CSAD: variants seen among roughly 807,000 people sequenced by gnomAD.
CSAD encodes the protein cysteine sulfinic acid decarboxylase, also known as P-selectin cytoplasmic tail-associated protein.
A neutral mutation model predicts 61.5 loss-of-function variants in CSAD; 47 were observed. The ratio of observed to expected loss-of-function variants is 0.76; its 90% confidence interval spans 0.60 to 0.97. The LOEUF (loss-of-function observed/expected upper bound fraction) is 0.97, where lower values mean the gene tolerates loss of function less well. Among genes scored for constraint, CSAD ranks in the 50% least tolerant of loss-of-function variants. The pLI is 0.00. For missense variants in CSAD, 611 were observed against 643.6 expected, an observed-to-expected ratio of 0.95 and a Z score of 0.55; for synonymous variants, 245 against 252.7, an observed-to-expected ratio of 0.97 and a Z score of 0.29.
Position 53,171,972 on chromosome 12 carries a change from C to G in CSAD, c.361G>C (p.Ala121Pro), listed in dbSNP as rs138203066. The G allele has an allele frequency of 6.2e-7, 1 of 1,613,306 alleles. No individual in the cohort carries two copies. Among genetic ancestry groups the G allele is most frequent in the Non-Finnish European group, 8.5e-7 (1 of 1,179,608 alleles). ...LNTSQYTYEI[A>P]PVFVLMEEEV... The stretch of plus-strand genomic sequence containing the variant: ...TCTTCCATGAGCACAAACACGGGGG[C>G]GATTTCATATGTGTACCTGCCAGGA... The change falls in exon 7 of 17, where the codon GCC becomes CCC. Residue 121 changes from alanine to proline, a missense_variant. Transcript: ENST00000444623.
At chr12:53,164,940 C>T (rs1939721182) in intron 10 of CSAD, among the ~76,000 whole-genome samples, 1 of 152,134 alleles carries the variant, frequency 6.6e-6, no homozygotes, top group South Asian at 2.1e-4. Flanking sequence ...TGAAAAGATG[C>T]TCAACCATCA....
rs750964415 is a variant in CSAD at position 53,171,986 on chromosome 12, T to C, written c.347A>G (p.Tyr116Cys). The C allele has an allele frequency of 1.2e-6, 2 of 1,611,616 alleles. No homozygotes were observed. The highest frequency in any genetic ancestry group is 1.7e-5 in the Admixed American group (1 of 59,986). The change falls in exon 7 of 17, where the codon TAC (tyrosine) becomes TGC (cysteine). Residue 116 changes from tyrosine to cysteine, a missense_variant and splice_region_variant. By Grantham distance (194) the Tyr-to-Cys change is radical. Transcript: ENST00000444623. ...AAACACGGGGGCGATTTCATATGTG[T>C]ACCTGCCAGGAGAGAGAACGACGAG... is the stretch of plus-strand genomic sequence containing the variant. Reference protein sequence around the residue: ...IITESLNTSQYTYEIAPVFVL... With the variant: ...IITESLNTSQCTYEIAPVFVL...
intron 8 of CSAD, 42 bp from the exon 9 acceptor site, chr12:53,170,544 G>A (rs750165402): frequency 1.3e-6 from 2 of 1,487,254 alleles, no homozygotes; most frequent in Non-Finnish European, 1.9e-6. Context: ...AACTTGATGG[G>A]GGAGGGGAGA....
At chr12:53,173,014 C>T (rs1940766740) in intron 4 of CSAD, among the ~76,000 whole-genome samples, 1 of 152,150 alleles carries the variant, frequency 6.6e-6, no homozygotes, top group Non-Finnish European at 1.5e-5. Flanking sequence ...TCGAGAGCAG[C>T]CTGGCTAACA....
At chr12:53,173,214 A>G in intron 4 of CSAD, 131 bp downstream of exon 4, 1 of 874,802 alleles carries the variant, frequency 1.1e-6, no homozygotes, top group Non-Finnish European at 1.7e-6. Context: ...TCAAGAAAGA[A>G]AGGAAGAAAG....
chr12:53,158,824 C>A, intron 16 of CSAD, 140 bp from the exon 17 acceptor site: 1 of 722,804 alleles, frequency 1.4e-6, no homozygotes, highest in Non-Finnish European at 2.2e-6. Context: ...TTGCTCAGAC[C>A]TTGACCTTGG....
intron 10 of CSAD, among the ~76,000 whole-genome samples, chr12:53,161,591 C>A (rs547750043): frequency 6.6e-6 from 1 of 151,720 alleles, no homozygotes; most frequent in Admixed American, 6.6e-5. Flanking sequence ...AGATGGACTT[C>A]GAACCTAGGT....
intron 10 of CSAD, chr12:53,164,433 A>G: frequency 5.1e-6 from 1 of 197,780 alleles, no homozygotes; most frequent in Non-Finnish European, 1.1e-5. Context: ...CCTCTGCAGC[A>G]ACATGGATGC....
Position 53,171,411 on chromosome 12 carries a change from T to A in CSAD, c.482A>T (p.Asn161Ile). 6.2e-7 allele frequency: 1 copy of A among 1,613,900 alleles called. No homozygotes were observed. Among genetic ancestry groups the A allele is most frequent in the Non-Finnish European group, 8.5e-7 (1 of 1,180,002 alleles). The change falls in exon 8 of 17, where the codon AAT becomes ATT. Residue 161 changes from asparagine to isoleucine, a missense_variant. Physicochemically the swap from Asn to Ile is moderately radical, Grantham distance 149. Transcript: ENST00000444623. Reference sequence around the variant, plus strand: ...CGGGTAGCGCTGATAGCGGGCCAGATTTACAGCATACATGTTGGAGATGGA... The same window carrying A: ...CGGGTAGCGCTGATAGCGGGCCAGAATTACAGCATACATGTTGGAGATGGA... ...GGSISNMYAV[N>I]LARYQRYPDC... is the part of the protein sequence containing the mutation.
Position 53,178,457 on chromosome 12 carries a change from A to C in CSAD, c.-50+645T>G, listed in dbSNP as rs1398783552. On this transcript the variant is annotated intron_variant, in intron 2 of 16. Transcript: ENST00000444623. ...CAGTGTGCCCTGACTGCACCATTGC[A>C]CTCCAGCCTGGGCGACAGACCAAGA... 203 of 437,342 alleles carry C rather than the reference A, an allele frequency of 4.6e-4. 4 individuals are homozygous for C. Among genetic ancestry groups the C allele is most frequent in the South Asian group, 2.7e-3 (170 of 62,370 alleles). 27.1% of individuals were successfully genotyped at this position (437,342 alleles called of 1,614,324 possible). A position where few individuals can be genotyped will look rare whatever the true frequency, so the allele number is the denominator to read the frequency against.
At chr12:53,166,592 G>A (rs1939970790) in intron 10 of CSAD, among the ~76,000 whole-genome samples, 1 of 152,032 alleles carries the variant, frequency 6.6e-6, no homozygotes. Context: ...AAGGCCAGGA[G>A]TTCGAGACCA....
rs776199622 is a variant in CSAD at position 53,161,402 on chromosome 12, T to C, written c.703-13A>G. 48 of 1,600,412 alleles carry C rather than the reference T, an allele frequency of 3.0e-5. No individual in the cohort carries two copies. The Middle Eastern group carries it at 5.0e-4, about 17-fold the overall frequency. On this transcript the variant is annotated splice_polypyrimidine_tract_variant and intron_variant, in intron 10 of 16. Transcript: ENST00000444623. ...ACGGCACAGCACCCTGTTGCCAAAA[T>C]GTAGAGGGAGAAAGATGTAAAGTCA...
At chr12:53,163,204 C>A (rs541972253) in intron 10 of CSAD, among the ~76,000 whole-genome samples, 2 of 152,238 alleles carry the variant, frequency 1.3e-5, no homozygotes, top group East Asian at 3.9e-4. Context: ...CACTGCTCTA[C>A]AGCCTGGTCA....
intron 4 of CSAD, 142 bp from the exon 5 acceptor site, chr12:53,172,790 C>T (rs1008729391): frequency 1.0e-6 from 1 of 975,382 alleles, no homozygotes; most frequent in Non-Finnish European, 1.5e-6. Flanking sequence ...TGAAAATGAA[C>T]AAGAGTAGTG....
chr12:53,173,390 A>G lies in CSAD; in HGVS notation c.81T>C (p.Val27=). The change falls in exon 4 of 17, where the codon GTT becomes GTC. Residue 27 remains valine (V), a synonymous_variant. Transcript: ENST00000444623. ...CTTTCTGAATGGCCTCATCCACAAC[A>G]ACCCCAAACACGGCCCGGAGCAAGG... ...VEALLRAVFG[V]VVDEAIQKGT... 1 of 1,614,242 alleles carries G rather than the reference A, an allele frequency of 6.2e-7. No homozygotes were observed. Among genetic ancestry groups the G allele is most frequent in the Non-Finnish European group, 8.5e-7 (1 of 1,180,038 alleles).
intron 1 of CSAD, chr12:53,179,837 A>G (rs372201868): frequency 3.2e-5 from 52 of 1,613,708 alleles, no homozygotes; most frequent in Middle Eastern, 1.6e-4. Flanking sequence ...TTTGCAGTCC[A>G]TCTTTAGCAG....
chr12:53,176,184 G>A (rs1371549346), intron 2 of CSAD, among the ~76,000 whole-genome samples: 4 of 151,988 alleles, frequency 2.6e-5, no homozygotes, highest in Non-Finnish European at 5.9e-5. Context: ...TGGATCACCT[G>A]AGGTCACCTG....
chr12:53,170,444 C>T lies in CSAD; in HGVS notation c.626G>A (p.Arg209Gln), dbSNP rs575257751. 3.0e-5 allele frequency: 48 copies of T among 1,614,112 alleles called. No individual in the cohort carries two copies. Among genetic ancestry groups the T allele is most frequent in the Middle Eastern group, 3.3e-4 (2 of 6,062 alleles). ...AFLGLGTDSV[R>Q]VVKADERGKM... is the part of the protein sequence containing the mutation. ...TCACCTCTCATCAGCCTTGACCACTCGGACACTGTCGGTGCCAAGTCCCAG... is the reference window on the plus strand; with the variant it reads ...TCACCTCTCATCAGCCTTGACCACTTGGACACTGTCGGTGCCAAGTCCCAG... Residue 209 changes from arginine (R) to glutamine (Q), a missense_variant, in exon 9 of 17, where the codon CGA becomes CAA. Arg to Gln is a conservative substitution (Grantham distance 43). Coordinates refer to ENST00000444623, the MANE Select transcript of CSAD (RefSeq NM_001244705.2).
At chr12:53,160,887 A>G in intron 12 of CSAD, 43 bp from the exon 13 acceptor site, 1 of 1,516,822 alleles carries the variant, frequency 6.6e-7, no homozygotes, top group South Asian at 1.2e-5. Context: ...CTCCTCCTCC[A>G]GCTGCCCAAC....
Sources: allele counts gnomAD v4.1 joint callset (sites outside exome capture counted in the v4.1 genomes callset), GRCh38; gene constraint gnomAD v4.1.1; transcripts MANE v1.5; gene names NCBI Gene and HGNC (gene_info 2026-07-23, HGNC 2026-07-21).